Variants in CHST10 observed in about 807,000 individuals in gnomAD.
CHST10 encodes carbohydrate sulfotransferase 10, also known as HNK-1 sulfotransferase.
CHST10 carries 24 observed loss-of-function variants against 34.7 expected under a neutral mutation model. The observed-to-expected ratio is 0.69, with a 90% CI of 0.50 to 0.97. The LOEUF is 0.97. Among genes scored for constraint, CHST10 ranks in the 50% least tolerant of loss-of-function variants. CHST10 has a pLI of 0.00. For synonymous variants in CHST10, 161 were observed against 169.3 expected (o/e 0.95, Z 0.38); for missense variants, 402 against 452.1 (o/e 0.89, Z 1.00).
At chr2:100,404,042 G>A (rs945683008) in intron 3 of CHST10, among the ~76,000 whole-genome samples, 2 of 152,218 alleles carry the variant, frequency 1.3e-5, no homozygotes, top group African/African-American at 4.8e-5. Context: ...GCGTCCTTGT[G>A]CACTGGCAAG....
At chr2:100,411,581 G>A (rs967032282) in intron 2 of CHST10, among the ~76,000 whole-genome samples, 11 of 152,198 alleles carry the variant, frequency 7.2e-5, no homozygotes, top group Non-Finnish European at 4.4e-5. Context: ...AGGTGTGTAT[G>A]TGCATACAAG....
intron 3 of CHST10, among the ~76,000 whole-genome samples, 184 bp downstream of exon 3, chr2:100,406,392 C>CA (rs1675574065): frequency 6.6e-6 from 1 of 152,184 alleles, no homozygotes; most frequent in Admixed American, 6.5e-5. Context: ...CCTCCAGCCC[C>CA]TCCCACCCTA....
At chr2:100,400,569 T>C (rs1215300977) in intron 4 of CHST10, among the ~76,000 whole-genome samples, 2 of 152,332 alleles carry the variant, frequency 1.3e-5, no homozygotes, top group East Asian at 3.9e-4. Flanking sequence ...TTCAATTGTG[T>C]GTAAGAATGA....
At chr2:100,404,249 A>G (rs2104358280) in intron 3 of CHST10, among the ~76,000 whole-genome samples, 2 of 152,280 alleles carry the variant, frequency 1.3e-5, no homozygotes, top group South Asian at 4.1e-4. Flanking sequence ...TTCACTGCAC[A>G]CTGTGCGGCC....
At chr2:100,395,087 C>A (rs190358123) in intron 6 of CHST10, among the ~76,000 whole-genome samples, 1 of 152,222 alleles carries the variant, frequency 6.6e-6, no homozygotes, top group African/African-American at 2.4e-5. Context: ...GCAGCCCACA[C>A]AACCACTGCA....
At chr2:100,394,307 C>T (rs563078511) in intron 6 of CHST10, among the ~76,000 whole-genome samples, 2 of 152,212 alleles carry the variant, frequency 1.3e-5, no homozygotes, top group African/African-American at 2.4e-5. Context: ...GAGCTGCAAG[C>T]GGGCGGCAGC....
At chr2:100,415,623 G>A (rs182863706) in intron 1 of CHST10, among the ~76,000 whole-genome samples, 127 of 152,270 alleles carry the variant, frequency 8.3e-4, no homozygotes, top group Non-Finnish European at 1.6e-3. Flanking sequence ...ATACAATAAA[G>A]CCCAAGCTGA....
At chr2:100,407,850 G>A (rs911447922) in intron 2 of CHST10, 6 of 152,138 alleles carry the variant, frequency 3.9e-5, no homozygotes, top group African/African-American at 1.2e-4. Context: ...AGGTGCCCGT[G>A]TATAAGGCTT....
At position 100,393,759 on chromosome 2, in the gene CHST10, A is replaced by T. The variant is rs138468060; in HGVS notation, c.557T>A (p.Phe186Tyr). The T allele has an allele frequency of 6.7e-5, 108 of 1,609,414 alleles. No individual in the cohort carries two copies. The highest frequency in any genetic ancestry group is 8.8e-5 in the Non-Finnish European group (104 of 1,179,032). ...QKRLKTYFKF[F>Y]IVRDPFERLI... Reference sequence around the variant, plus strand: ...TCTTTCGAAGGGATCTCTTACAATAAAAAACTTGAAGTATGTTTTCAATCT... The same window carrying T: ...TCTTTCGAAGGGATCTCTTACAATATAAAACTTGAAGTATGTTTTCAATCT... The change falls in exon 7 of 7, where the codon TTT becomes TAT. Residue 186 changes from phenylalanine (F) to tyrosine (Y), a missense_variant. By Grantham distance (22) the Phe-to-Tyr change is conservative. Transcript: ENST00000264249.
chr2:100,399,388 A>G (rs550069711), intron 4 of CHST10, among the ~76,000 whole-genome samples: 1 of 152,330 alleles, frequency 6.6e-6, no homozygotes, highest in African/African-American at 2.4e-5. Context: ...TACAGGCGTA[A>G]GCCACCACGC....
intron 6 of CHST10, 40 bp from the exon 7 acceptor site, chr2:100,393,822 AG>A (rs766532920): frequency 6.5e-7 from 1 of 1,533,616 alleles, no homozygotes. Context: ...TTGATGCCAC[AG>A]GAGGTCACAG....
chr2:100,394,489 A>C (rs1341437116), intron 6 of CHST10, among the ~76,000 whole-genome samples: 1 of 152,218 alleles, frequency 6.6e-6, no homozygotes, highest in African/African-American at 2.4e-5. Flanking sequence ...TCAGGGCAAC[A>C]GCAGGACACT....
At chr2:100,416,933 A>C (rs1361905476) in intron 1 of CHST10, 1 of 1,297,728 alleles carries the variant, frequency 7.7e-7, no homozygotes, top group Non-Finnish European at 1.0e-6. Context: ...GGCTCAGGGC[A>C]CCCCGGGGCC....
In CHST10 at chr2:100,398,116, G is replaced by C; in HGVS notation, c.219C>G (p.Ser73Arg). ...LKPTGKELPD[S>R]QLVQPLVYME... The stretch of plus-strand genomic sequence containing the variant: ...TGTAGACCAGGGGCTGAACGAGCTG[G>C]CTGTCTGGAAGCTCCTTCCCAGTTG... Residue 73 changes from serine (S) to arginine (R), a missense_variant, in exon 5 of 7, where the codon AGC becomes AGG. By Grantham distance (110) the Ser-to-Arg change is moderately radical (BLOSUM62 -1). Transcript: ENST00000264249. 1 of 1,613,030 alleles carries C rather than the reference G, an allele frequency of 6.2e-7. No homozygotes were observed. Among genetic ancestry groups the C allele is most frequent in the Non-Finnish European group, 8.5e-7 (1 of 1,179,488 alleles).
At chr2:100,396,729 G>A (rs976283303) in intron 5 of CHST10, among the ~76,000 whole-genome samples, 1 of 152,080 alleles carries the variant, frequency 6.6e-6, no homozygotes, top group Middle Eastern at 3.2e-3. Flanking sequence ...AGTGGTTACC[G>A]AAGATAGCCA....
intron 3 of CHST10, among the ~76,000 whole-genome samples, chr2:100,404,849 A>AG (rs1007650412): frequency 1.3e-5 from 2 of 152,232 alleles, no homozygotes; most frequent in African/African-American, 4.8e-5. Context: ...CTGCCTTTTG[A>AG]GTGCCTTCCA....
At position 100,403,818 on chromosome 2, in the gene CHST10, T is replaced by G. The variant is rs146395875; in HGVS notation, c.101-1163A>C. ...TAATCAAAAACACCGTGAACGTGTGTGAAATAAACTCCAACATGTGAGAAG... is the reference window on the plus strand; with the variant it reads ...TAATCAAAAACACCGTGAACGTGTGGGAAATAAACTCCAACATGTGAGAAG... On this transcript the variant is annotated intron_variant, in intron 3 of 6. Transcript: ENST00000264249. Among the ~76,000 whole-genome samples, 602 of 152,284 alleles carry G rather than the reference T, an allele frequency of 4.0e-3. 2 individuals are homozygous for G. The highest frequency in any genetic ancestry group is 0.014 in the African/African-American group (565 of 41,548).
At position 100,393,519 on chromosome 2, in the gene CHST10, T is replaced by C; in HGVS notation, c.797A>G (p.Tyr266Cys). The part of the protein sequence containing the change: ...FGDHIIHWVT[Y>C]VELCAPCEIM... ...CTCACAGGGAGCACAGAGCTCTACA[T>C]ACGTCACCCAGTGAATGATGTGGTC... Residue 266 changes from tyrosine to cysteine, a missense_variant, in exon 7 of 7, where the codon TAT (tyrosine) becomes TGT (cysteine). Tyr to Cys is a radical substitution (Grantham distance 194, BLOSUM62 -2). Coordinates refer to ENST00000264249, the MANE Select transcript of CHST10 (RefSeq NM_004854.5). The C allele has an allele frequency of 6.2e-7, 1 of 1,613,980 alleles. No homozygotes were observed. The highest frequency in any genetic ancestry group is 8.5e-7 in the Non-Finnish European group (1 of 1,179,992).
rs373432767 is a variant in CHST10 at position 100,398,004 on chromosome 2, C to T, written c.331G>A (p.Asp111Asn). The T allele has an allele frequency of 1.4e-5, 23 of 1,614,052 alleles. No homozygotes were observed. The highest frequency in any genetic ancestry group is 1.7e-5 in the Non-Finnish European group (20 of 1,180,034). The change falls in exon 5 of 7, where the codon GAC becomes AAC. Residue 111 changes from aspartate to asparagine, a missense_variant. Transcript: ENST00000264249. The stretch of plus-strand genomic sequence containing the variant: ...TGCTTGTCACAGACAAATATTCGGT[C>T]CAGGACAAACTTGGAGACAGGAGTG... ...SHTPVSKFVL[D>N]RIFVCDKHKI...
Sources: allele counts gnomAD v4.1 joint callset (sites outside exome capture counted in the v4.1 genomes callset), GRCh38; gene constraint gnomAD v4.1.1; transcripts MANE v1.5; gene names NCBI Gene and HGNC (gene_info 2026-07-23, HGNC 2026-07-21).